The following ZSWIM6 variants were observed in gnomAD, a reference collection of about 807,000 sequenced individuals.
The protein encoded by ZSWIM6 is zinc finger SWIM-type containing 6.
A neutral mutation model predicts 113.2 loss-of-function variants in ZSWIM6; 9 were observed. The ratio of observed to expected loss-of-function variants is 0.08; its 90% CI spans 0.05 to 0.14. The LOEUF (loss-of-function observed/expected upper bound fraction) is 0.14. Ranked by LOEUF, ZSWIM6 falls within the 10% of genes least tolerant of loss-of-function variation. The pLI, the probability that ZSWIM6 is intolerant of heterozygous loss-of-function variation, is 1.00. For missense variants in ZSWIM6, 1,162 were observed against 1,552.2 expected, an observed-to-expected ratio of 0.75 and a Z score of 4.22; for synonymous variants, 611 against 606.5, an observed-to-expected ratio of 1.01 and a Z score of -0.11.
intron 1 of ZSWIM6, among the ~76,000 whole-genome samples, chr5:61,450,499 A>G (rs1747063684): frequency 6.6e-6 from 1 of 152,324 alleles, no homozygotes; most frequent in African/African-American, 2.4e-5. Flanking sequence ...AAGGGCCACA[A>G]AAAAGTATAC....
At chr5:61,409,988 A>T (rs1746121859) in intron 1 of ZSWIM6, among the ~76,000 whole-genome samples, 1 of 152,214 alleles carries the variant, frequency 6.6e-6, no homozygotes, top group East Asian at 1.9e-4. Context: ...GTGACTTTTG[A>T]TAAAGGGAGT....
At chr5:61,450,644 A>G (rs1323363926) in intron 1 of ZSWIM6, among the ~76,000 whole-genome samples, 11 of 152,084 alleles carry the variant, frequency 7.2e-5, no homozygotes, top group African/African-American at 4.8e-5. Flanking sequence ...TCACTGTACT[A>G]TGAATGCTTG....
intron 4 of ZSWIM6, among the ~76,000 whole-genome samples, chr5:61,507,708 A>T (rs979916446): frequency 6.6e-6 from 1 of 152,130 alleles, no homozygotes; most frequent in African/African-American, 2.4e-5. Flanking sequence ...ATATGCTTTC[A>T]TATATATGGG....
intron 1 of ZSWIM6, among the ~76,000 whole-genome samples, chr5:61,388,620 A>T (rs1361215240): frequency 6.6e-6 from 1 of 152,268 alleles, no homozygotes; most frequent in African/African-American, 2.4e-5. Context: ...TGTGAGAGAT[A>T]AACCAAGGCA....
At chr5:61,524,495 C>T (rs954089368) in intron 5 of ZSWIM6, among the ~76,000 whole-genome samples, 2 of 152,170 alleles carry the variant, frequency 1.3e-5, no homozygotes, top group African/African-American at 2.4e-5. Context: ...GCTGAAGTAG[C>T]TGAATTTTCA....
At chr5:61,499,075 T>C (rs1748393859) in intron 4 of ZSWIM6, among the ~76,000 whole-genome samples, 1 of 152,174 alleles carries the variant, frequency 6.6e-6, no homozygotes, top group Non-Finnish European at 1.5e-5. Flanking sequence ...TTTTGAGAAC[T>C]GGAAAGCTTA....
intron 4 of ZSWIM6, among the ~76,000 whole-genome samples, chr5:61,518,184 A>G (rs1447714176): frequency 2.0e-5 from 3 of 151,958 alleles, no homozygotes; most frequent in African/African-American, 4.8e-5. Context: ...AATCCAGTGT[A>G]TGATTGTTGG....
At chr5:61,416,854 G>C (rs1746268065) in intron 1 of ZSWIM6, among the ~76,000 whole-genome samples, 1 of 152,248 alleles carries the variant, frequency 6.6e-6, no homozygotes, top group African/African-American at 2.4e-5. Context: ...TAGTGCATAA[G>C]GCCGGGCACA....
chr5:61,508,475 GGTTT>G (rs895612418), intron 4 of ZSWIM6, among the ~76,000 whole-genome samples: 135 of 152,126 alleles, frequency 8.9e-4, no homozygotes, highest in African/African-American at 3.1e-3. Context: ...TATGATGAAT[GGTTT>G]GTTTGAGTTT....
intron 8 of ZSWIM6, 47 bp from the exon 9 acceptor site, chr5:61,531,418 T>G (rs2112276807): frequency 6.6e-7 from 1 of 1,519,176 alleles, no homozygotes; most frequent in East Asian, 2.5e-5. Flanking sequence ...TCATATCATC[T>G]GCAAAAGTAG....
At chr5:61,350,234 C>A (rs1265410273) in intron 1 of ZSWIM6, among the ~76,000 whole-genome samples, 1 of 152,184 alleles carries the variant, frequency 6.6e-6, no homozygotes, top group Non-Finnish European at 1.5e-5. Context: ...TTCACTTGTA[C>A]AAGTGTTCCA....
At chr5:61,444,854 G>A (rs1052179598) in intron 1 of ZSWIM6, among the ~76,000 whole-genome samples, 1 of 152,080 alleles carries the variant, frequency 6.6e-6, no homozygotes, top group African/African-American at 2.4e-5. Context: ...AGTACTTTTT[G>A]TGTACTTCTC....
intron 1 of ZSWIM6, among the ~76,000 whole-genome samples, chr5:61,426,754 C>T (rs1364823788): frequency 6.6e-6 from 1 of 152,008 alleles, no homozygotes; most frequent in Non-Finnish European, 1.5e-5. Context: ...GAATAGCATG[C>T]CCACCTTTTT....
intron 1 of ZSWIM6, among the ~76,000 whole-genome samples, chr5:61,424,983 G>T (rs1032570013): frequency 5.3e-5 from 8 of 151,996 alleles, no homozygotes; most frequent in African/African-American, 1.7e-4. Flanking sequence ...CTCCCAAAGC[G>T]CTGGGATTAC....
intron 1 of ZSWIM6, among the ~76,000 whole-genome samples, chr5:61,368,762 A>G (rs1432629634): frequency 6.6e-6 from 1 of 152,226 alleles, no homozygotes; most frequent in Non-Finnish European, 1.5e-5. Flanking sequence ...TTGCTTGCAC[A>G]AGAAGCAAGT....
Position 61,332,738 on chromosome 5 carries a change from T to C in ZSWIM6, c.466T>C (p.Ser156Pro). The C allele has an allele frequency of 1.1e-6, 1 of 940,412 alleles. No homozygotes were observed. Among genetic ancestry groups the C allele is most frequent in the Non-Finnish European group, 1.2e-6 (1 of 802,494 alleles). 58.3% of individuals were successfully genotyped at this position (940,412 alleles called of 1,614,324 possible). Residue 156 changes from serine (S) to proline (P), a missense_variant, in exon 1 of 14, where the codon TCG becomes CCG. This residue lies in a region of ZSWIM6 where 333 missense variants were observed against 293.4 expected (regional missense o/e 1.13). Transcript: ENST00000252744. ...GAGGGGGGGSSSSPAATSAAA... is the reference protein window; with the variant it reads ...GAGGGGGGGSPSSPAATSAAA... ...GGGCGGCGGCGGCGGCGGCGGCTCC[T>C]CGTCTTCCCCGGCCGCAACCTCGGC...
chr5:61,505,427 A>G (rs953453865), intron 4 of ZSWIM6, among the ~76,000 whole-genome samples: 1 of 152,090 alleles, frequency 6.6e-6, no homozygotes, highest in Non-Finnish European at 1.5e-5. Flanking sequence ...GTGACCTCCT[A>G]CAGAACCTGG....
chr5:61,490,962 T>C (rs957611288), intron 3 of ZSWIM6, 28 bp downstream of exon 3: 17 of 1,503,254 alleles, frequency 1.1e-5, no homozygotes, highest in Non-Finnish European at 1.5e-5. Flanking sequence ...TAAAGAAATA[T>C]TCTAAATATA....
chr5:61,539,891 A>G, intron 12 of ZSWIM6, 132 bp downstream of exon 12: 1 of 875,300 alleles, frequency 1.1e-6, no homozygotes, highest in South Asian at 1.9e-5. Flanking sequence ...GTTAGACTTC[A>G]GGAGAGAACT....
Sources: gnomAD v4.1 joint callset for allele counts (sites outside exome capture counted in the v4.1 genomes callset) on GRCh38, gnomAD v4.1.1 for gene constraint, gnomAD v4.1.1 regional missense constraint, MANE v1.5 for transcripts, NCBI Gene and HGNC (gene_info 2026-07-23, HGNC 2026-07-21) for gene names.